PPP1R9A: variants seen among roughly 807,000 people sequenced by gnomAD.
PPP1R9A encodes the protein neurabin-1.
Under a neutral mutation model 141.9 loss-of-function variants are expected in PPP1R9A, and 59 were observed. The observed-to-expected ratio is 0.42, with a 90% CI of 0.34 to 0.52. PPP1R9A has a LOEUF of 0.52. Among genes scored for constraint, PPP1R9A ranks in the 20% least tolerant of loss-of-function variants. The probability of loss-of-function intolerance (pLI) is 0.10; values close to 1 mark genes in which losing one functional copy is unlikely to be tolerated. For synonymous variants in PPP1R9A, 500 were observed against 569.7 expected, an observed-to-expected ratio of 0.88 and a Z score of 1.74; for missense variants, 1,444 against 1,611.9, an observed-to-expected ratio of 0.90 and a Z score of 1.78.
chr7:95,023,341 TA>T (rs545285863), intron 2 of PPP1R9A, among the ~76,000 whole-genome samples: 384 of 152,286 alleles, frequency 2.5e-3, no homozygotes, highest in Non-Finnish European at 4.4e-3. Flanking sequence ...TTATCATTTT[TA>T]ATTGCATCTA....
chr7:95,066,099 G>A (rs76282703), intron 2 of PPP1R9A, among the ~76,000 whole-genome samples: 2,260 of 152,240 alleles, frequency 0.015, 50 homozygotes, highest in African/African-American at 0.051. Context: ...ATTTGGACAC[G>A]GTGAAGTTAA....
At chr7:95,258,237 T>A (rs1054237571) in intron 12 of PPP1R9A, among the ~76,000 whole-genome samples, 2 of 152,190 alleles carry the variant, frequency 1.3e-5, no homozygotes, top group Admixed American at 1.3e-4. Flanking sequence ...TACCTCATTG[T>A]GGTTTTGATT....
intron 14 of PPP1R9A, among the ~76,000 whole-genome samples, chr7:95,271,064 T>C (rs1802095222): frequency 6.6e-6 from 1 of 152,032 alleles, no homozygotes; most frequent in Non-Finnish European, 1.5e-5. Flanking sequence ...AAGGAGGGAA[T>C]AGCGGGTAAA....
At chr7:94,942,803 CAAT>C (rs1795481028) in intron 2 of PPP1R9A, among the ~76,000 whole-genome samples, 3 of 137,384 alleles carry the variant, frequency 2.2e-5, no homozygotes, top group African/African-American at 5.4e-5. Context: ...GACTGTCTCT[CAAT>C]AAATAAATAA....
intron 8 of PPP1R9A, among the ~76,000 whole-genome samples, chr7:95,232,929 A>G (rs1165669733): frequency 1.3e-5 from 2 of 152,188 alleles, no homozygotes; most frequent in Non-Finnish European, 2.9e-5. Flanking sequence ...TGGGAGTGTA[A>G]ATTAGTTCGA....
intron 2 of PPP1R9A, among the ~76,000 whole-genome samples, chr7:94,963,402 C>T (rs956168043): frequency 6.6e-6 from 1 of 152,100 alleles, no homozygotes; most frequent in East Asian, 1.9e-4. Flanking sequence ...TTTTAGTATA[C>T]TTGCAGAATT....
chr7:95,196,656 C>T (rs1213441672), intron 5 of PPP1R9A, among the ~76,000 whole-genome samples: 4 of 152,080 alleles, frequency 2.6e-5, no homozygotes, highest in Non-Finnish European at 5.9e-5. Context: ...CTTACAGCAA[C>T]ATGGATAAAC....
chr7:95,158,967 A>G (rs1830046057), intron 4 of PPP1R9A, among the ~76,000 whole-genome samples: 1 of 152,180 alleles, frequency 6.6e-6, no homozygotes. Context: ...GGGCATGGAG[A>G]TTTGTTAATG....
chr7:95,006,518 T>C lies in PPP1R9A; in HGVS notation c.1395+95010T>C, dbSNP rs572566874. Among the ~76,000 whole-genome samples the C allele has an allele frequency of 2.6e-5, 4 of 152,098 alleles. No homozygotes were observed. The East Asian group carries it at 7.8e-4, about 30-fold the overall frequency. Reference sequence around the variant, plus strand: ...GAACCACCTTGCCCGGCCAAGAACATTTTTAATGCTTGTTTATATAAGAAG... The same window carrying C: ...GAACCACCTTGCCCGGCCAAGAACACTTTTAATGCTTGTTTATATAAGAAG... On this transcript the variant is annotated intron_variant, in intron 2 of 19. Coordinates refer to ENST00000433360, the MANE Select transcript of PPP1R9A (RefSeq NM_001166160.2).
intron 5 of PPP1R9A, among the ~76,000 whole-genome samples, chr7:95,182,086 G>T (rs1833943775): frequency 1.3e-5 from 2 of 151,940 alleles, no homozygotes; most frequent in South Asian, 4.2e-4. Context: ...ATACTGCTGG[G>T]TGATGGGTGC....
Position 95,226,099 on chromosome 7 carries a change from A to G in PPP1R9A, c.2095A>G (p.Ser699Gly). 1 of 1,612,846 alleles carries G rather than the reference A, an allele frequency of 6.2e-7. No homozygotes were observed. Among genetic ancestry groups the G allele is most frequent in the Non-Finnish European group, 8.5e-7 (1 of 1,179,052 alleles). ...ATCAGAACTGGACACAAGCAAGCTC[A>G]GTCACAAGTTCAAAGAGGTATGCCA... ...SPSELDTSKL[S>G]HKFKELQIKH... The change falls in exon 8 of 20, where the codon AGT (serine) becomes GGT (glycine). Residue 699 changes from serine (S) to glycine (G), a missense_variant. Coordinates refer to ENST00000433360, the MANE Select transcript of PPP1R9A (RefSeq NM_001166160.2).
At chr7:95,090,713 C>T (rs1337034346) in intron 2 of PPP1R9A, among the ~76,000 whole-genome samples, 1 of 151,820 alleles carries the variant, frequency 6.6e-6, no homozygotes, top group East Asian at 1.9e-4. Context: ...GAGGCTAAGG[C>T]AGGAGACTCG....
intron 1 of PPP1R9A, chr7:94,907,957 C>T (rs1308577228): frequency 6.8e-6 from 1 of 147,916 alleles, no homozygotes; most frequent in African/African-American, 2.4e-5. Flanking sequence ...GGGGCCGACG[C>T]GCGAGTGGAA....
intron 12 of PPP1R9A, among the ~76,000 whole-genome samples, chr7:95,266,884 C>T (rs1801380780): frequency 6.6e-6 from 1 of 152,042 alleles, no homozygotes; most frequent in Non-Finnish European, 1.5e-5. Context: ...TGGGCAGCTA[C>T]AAATATAGAT....
intron 2 of PPP1R9A, among the ~76,000 whole-genome samples, chr7:95,031,248 G>A (rs1402790563): frequency 6.6e-6 from 1 of 152,074 alleles, no homozygotes; most frequent in African/African-American, 2.4e-5. Context: ...AATTCCTAAC[G>A]TTGGCAGCTG....
chr7:95,239,047 G>GT lies in PPP1R9A; in HGVS notation c.2113-8421dup, dbSNP rs532732864. Among the ~76,000 whole-genome samples the GT allele has an allele frequency of 4.6e-3, 694 of 152,088 alleles. 5 individuals carry two copies. Among genetic ancestry groups the GT allele is most frequent in the African/African-American group, 0.016 (654 of 41,528 alleles). On this transcript the variant is annotated intron_variant, in intron 8 of 19. Coordinates refer to ENST00000433360, the MANE Select transcript of PPP1R9A (RefSeq NM_001166160.2). ...AGGCCAGATAATAGTGTCTTTTCAAGTTTTTCTTTTTTTGAATGTGTTGCT... is the reference window on the plus strand; with the variant it reads ...AGGCCAGATAATAGTGTCTTTTCAAGTTTTTTCTTTTTTTGAATGTGTTGCT...
chr7:95,045,248 T>C (rs930049263), intron 2 of PPP1R9A, among the ~76,000 whole-genome samples: 3 of 152,072 alleles, frequency 2.0e-5, no homozygotes, highest in African/African-American at 7.2e-5. Context: ...GGAATGGAAG[T>C]TTATTAAAAT....
At chr7:95,213,012 A>C (rs1792462213) in intron 7 of PPP1R9A, among the ~76,000 whole-genome samples, 5 of 152,104 alleles carry the variant, frequency 3.3e-5, no homozygotes, top group Admixed American at 3.3e-4. Context: ...TACATTGATC[A>C]GTGTGGCCAA....
chr7:95,118,558 C>T (rs1416881967), intron 3 of PPP1R9A, among the ~76,000 whole-genome samples: 1 of 152,224 alleles, frequency 6.6e-6, no homozygotes, highest in East Asian at 1.9e-4. Flanking sequence ...CAAGTGACAT[C>T]TTTTAAAACA....
Sources: allele counts gnomAD v4.1 joint callset (sites outside exome capture counted in the v4.1 genomes callset), GRCh38; gene constraint gnomAD v4.1.1; transcripts MANE v1.5; gene names NCBI Gene and HGNC (gene_info 2026-07-23, HGNC 2026-07-21).